Variants in YEATS2 observed in about 807,000 individuals in gnomAD.
The protein encoded by YEATS2 is YEATS domain-containing protein 2.
Under a neutral mutation model 163.2 loss-of-function variants are expected in YEATS2, and 77 were observed. The observed-to-expected ratio is 0.47, with a 90% confidence interval of 0.39 to 0.57. YEATS2 has a LOEUF of 0.57. Among genes scored for constraint, YEATS2 ranks in the 20% least tolerant of loss-of-function variants. The pLI is 0.00. For missense variants in YEATS2, 1,549 were observed against 1,729.8 expected (o/e 0.90, Z 1.85); for synonymous variants, 631 against 645.1 (o/e 0.98, Z 0.33).
At chr3:183,791,072 C>T (rs901539725) in intron 21 of YEATS2, 92 bp downstream of exon 21, 24 of 1,506,810 alleles carry the variant, frequency 1.6e-5, no homozygotes, top group African/African-American at 1.2e-4. Flanking sequence ...CTCACTCTGT[C>T]GCCCAAGCTA....
At position 183,808,112 on chromosome 3, in the gene YEATS2, C is replaced by G. The variant is rs1362844960; in HGVS notation, c.4086+8C>G. On this transcript the variant is annotated splice_region_variant and intron_variant, in intron 29 of 30. Transcript: ENST00000305135. ...GAGGACATGATCCTGAAGGTGGGTG[C>G]CTGCAGGGGCCGCCAGCCAGGAAGG... 2 of 1,549,914 alleles carry G rather than the reference C, an allele frequency of 1.3e-6. No individual in the cohort carries two copies. Among genetic ancestry groups the G allele is most frequent in the African/African-American group, 2.7e-5 (2 of 73,178 alleles).
rs78917272 is a variant in YEATS2 at position 183,736,306 on chromosome 3, T to G, written c.813-412T>G. On this transcript the variant is annotated intron_variant, in intron 7 of 30. Coordinates refer to ENST00000305135, the MANE Select transcript of YEATS2 (RefSeq NM_018023.5). ...TTGTCTCAGTTGAGCATGTTCATGA[T>G]TCATTTTGTTTCTGCCTCAGTGGAG... Among the ~76,000 whole-genome samples, 1,145 of 152,310 alleles carry G rather than the reference T, an allele frequency of 7.5e-3. 10 individuals carry two copies. Among genetic ancestry groups the G allele is most frequent in the African/African-American group, 0.026 (1,099 of 41,560 alleles).
At position 183,786,108 on chromosome 3, in the gene YEATS2, C is replaced by G; in HGVS notation, c.2737-17C>G. ...TCCAAGGCAACATGATTATTTCTGC[C>G]CATCTTGTTTCTGCAGGCAGCCCAT... On this transcript the variant is annotated splice_polypyrimidine_tract_variant and intron_variant, in intron 19 of 30. Transcript: ENST00000305135. 1 of 1,606,114 alleles carries G rather than the reference C, an allele frequency of 6.2e-7. No individual in the cohort carries two copies. The highest frequency in any genetic ancestry group is 8.5e-7 in the Non-Finnish European group (1 of 1,173,652).
Position 183,799,071 on chromosome 3 carries a change from A to G in YEATS2, c.3325+82A>G. On this transcript the variant is annotated intron_variant, in intron 23 of 30. Coordinates refer to ENST00000305135, the MANE Select transcript of YEATS2 (RefSeq NM_018023.5). ...TTCACGTTCTCTCCTGATGTCCAGA[A>G]GCTTTATGCGGGACATTACCATAAT... is the stretch of plus-strand genomic sequence containing the variant. 3 of 1,059,888 alleles carry G rather than the reference A, an allele frequency of 2.8e-6. No homozygotes were observed. In the South Asian group the frequency reaches 3.8e-5, roughly 13 times the overall value. The allele number at this position is 1,059,888 out of a possible 1,614,324, so 65.7% of individuals were successfully genotyped here. A position where few individuals can be genotyped will look rare whatever the true frequency, so the allele number is the denominator to read the frequency against.
At position 183,722,038 on chromosome 3, in the gene YEATS2, A is replaced by G. The variant is rs1225187642; in HGVS notation, c.439A>G (p.Asn147Asp). 1.2e-6 allele frequency: 2 copies of G among 1,614,176 alleles called. No individual in the cohort carries two copies. The highest frequency in any genetic ancestry group is 1.7e-6 in the Non-Finnish European group (2 of 1,180,038). ...AGAAAGTGATTCTTTATCTCAGCACAATGACTTCTTATCTGACAAAGATAA... is the reference window on the plus strand; with the variant it reads ...AGAAAGTGATTCTTTATCTCAGCACGATGACTTCTTATCTGACAAAGATAA... ...HSESDSLSQH[N>D]DFLSDKDNNS... The change falls in exon 5 of 31, where the codon AAT (asparagine) becomes GAT (aspartate). Residue 147 changes from asparagine (N) to aspartate (D), a missense_variant. Coordinates refer to ENST00000305135, the MANE Select transcript of YEATS2 (RefSeq NM_018023.5).
intron 17 of YEATS2, among the ~76,000 whole-genome samples, chr3:183,775,199 C>T (rs771607882): frequency 5.3e-5 from 8 of 152,168 alleles, no homozygotes; most frequent in Non-Finnish European, 8.8e-5. Context: ...GAGACAACAT[C>T]GAGCACTGTA....
intron 21 of YEATS2, among the ~76,000 whole-genome samples, chr3:183,797,323 G>A (rs1010367674): frequency 6.8e-6 from 1 of 147,522 alleles, no homozygotes; most frequent in African/African-American, 2.5e-5. Context: ...TGGGAGGATC[G>A]CTCGAGGCCA....
At chr3:183,785,474 G>C (rs951456670) in intron 19 of YEATS2, among the ~76,000 whole-genome samples, 14 of 147,890 alleles carry the variant, frequency 9.5e-5, no homozygotes, top group African/African-American at 3.3e-4. Context: ...GGGCGACAGA[G>C]CGAGACTCTG....
In YEATS2 at chr3:183,724,548, A is replaced by C; in HGVS notation, c.650+17A>C. On this transcript the variant is annotated intron_variant, in intron 6 of 30. Transcript: ENST00000305135. Reference sequence around the variant, plus strand: ...TGTGTCCAAGTGAGTATCCAGTTGAATTTATTTTTATTTGTCCATTTGTGT... The same window carrying C: ...TGTGTCCAAGTGAGTATCCAGTTGACTTTATTTTTATTTGTCCATTTGTGT... 1 of 1,542,498 alleles carries C rather than the reference A, an allele frequency of 6.5e-7. No individual in the cohort carries two copies. The highest frequency in any genetic ancestry group is 8.9e-7 in the Non-Finnish European group (1 of 1,121,078).
At position 183,811,710 on chromosome 3, in the gene YEATS2, A is replaced by G. The variant is rs929357729; in HGVS notation, c.*1127A>G. The stretch of plus-strand genomic sequence containing the variant: ...GTGGCGCTGCCAGGTGCCCGGGTCT[A>G]TTGGAGGCGCCCCATCTCAGACTTC... On this transcript the variant is annotated 3_prime_UTR_variant, in exon 31 of 31. Coordinates refer to ENST00000305135, the MANE Select transcript of YEATS2 (RefSeq NM_018023.5). 3.9e-5 allele frequency: 6 copies of G among 152,348 alleles called. No individual in the cohort carries two copies. Among genetic ancestry groups the G allele is most frequent in the Non-Finnish European group, 5.9e-5 (4 of 68,120 alleles). The allele number at this position is 152,348 out of a possible 1,614,324, so 9.4% of individuals were successfully genotyped here. A position where few individuals can be genotyped will look rare whatever the true frequency, so the allele number is the denominator to read the frequency against.
chr3:183,749,038 G>T (rs1719871996), intron 9 of YEATS2, among the ~76,000 whole-genome samples: 1 of 151,946 alleles, frequency 6.6e-6, no homozygotes, highest in South Asian at 2.1e-4. Flanking sequence ...CGCCTCCCGG[G>T]TTCACGCCAT....
At chr3:183,701,699 A>C (rs1309896813) in intron 1 of YEATS2, among the ~76,000 whole-genome samples, 1 of 152,208 alleles carries the variant, frequency 6.6e-6, no homozygotes. Flanking sequence ...CCTGGCCTAA[A>C]ACAGTACCTT....
intron 1 of YEATS2, among the ~76,000 whole-genome samples, chr3:183,709,699 A>G (rs1002817500): frequency 3.3e-4 from 37 of 111,012 alleles, no homozygotes; most frequent in African/African-American, 1.1e-3. Context: ...TTTTTTTGAG[A>G]CAGAGTCTTG....
intron 12 of YEATS2, among the ~76,000 whole-genome samples, chr3:183,758,115 T>C (rs536873815): frequency 6.6e-6 from 1 of 152,296 alleles, no homozygotes; most frequent in African/African-American, 2.4e-5. Flanking sequence ...CCCAGCACTT[T>C]GGGAGGCCAA....
rs557381994 is a variant in YEATS2, at chr3:183,759,099, G to T, written c.1656+134G>T. On this transcript the variant is annotated intron_variant, in intron 13 of 30. Coordinates refer to ENST00000305135, the MANE Select transcript of YEATS2 (RefSeq NM_018023.5). Reference sequence around the variant, plus strand: ...TCGAACTCCTGGCCTCAAGAGATCTGCCACCTCACCTGCCAGGGTACTGCG... The same window carrying T: ...TCGAACTCCTGGCCTCAAGAGATCTTCCACCTCACCTGCCAGGGTACTGCG... 6.2e-3 allele frequency: 3,702 copies of T among 593,044 alleles called. 27 individuals carry two copies. Among genetic ancestry groups the T allele is most frequent in the Non-Finnish European group, 7.7e-3 (2,691 of 351,714 alleles). The allele number at this position is 593,044 out of a possible 1,614,324, so 36.7% of individuals were successfully genotyped here.
intron 23 of YEATS2, among the ~76,000 whole-genome samples, chr3:183,800,067 C>G (rs1418648903): frequency 6.6e-6 from 1 of 152,032 alleles, no homozygotes; most frequent in African/African-American, 2.4e-5. Context: ...CTCCTGACCT[C>G]GTGATCCGCC....
chr3:183,768,515 C>A (rs1359199831), intron 15 of YEATS2, among the ~76,000 whole-genome samples: 2 of 151,904 alleles, frequency 1.3e-5, no homozygotes, highest in Non-Finnish European at 1.5e-5. Flanking sequence ...GCCACACTCC[C>A]AAAAAGTTTT....
intron 12 of YEATS2, among the ~76,000 whole-genome samples, chr3:183,757,296 TATTA>T (rs954304918): frequency 1.6e-4 from 24 of 152,260 alleles, no homozygotes; most frequent in African/African-American, 5.8e-4. Flanking sequence ...TTAATTAATT[TATTA>T]ATTTATTGAG....
rs1309254164 is a variant in YEATS2, at chr3:183,810,190, C to T, written c.4161-285C>T. The T allele has an allele frequency of 6.4e-5, 21 of 328,158 alleles. No homozygotes were observed. The South Asian group carries it at 6.7e-4, about 10-fold the overall frequency. The allele number at this position is 328,158 out of a possible 1,614,324, so 20.3% of individuals were successfully genotyped here. ...AGCTTTCGGTCTGCTGAGACTCACT[C>T]ACAAATGTGTCATTCCGTTCTGCCA... On this transcript the variant is annotated intron_variant, in intron 30 of 30. Transcript: ENST00000305135.
Sources: gnomAD v4.1 joint callset for allele counts (sites outside exome capture counted in the v4.1 genomes callset) on GRCh38, gnomAD v4.1.1 for gene constraint, MANE v1.5 for transcripts, NCBI Gene and HGNC (gene_info 2026-07-23, HGNC 2026-07-21) for gene names.